CTSK: variants seen among roughly 807,000 people sequenced by gnomAD.
CTSK encodes cathepsin K.
A neutral mutation model predicts 40.5 loss-of-function variants in CTSK; 26 were observed. The observed-to-expected ratio is 0.64, with a 90% confidence interval of 0.47 to 0.89. The LOEUF is 0.89. Among genes scored for constraint, CTSK ranks in the 40% least tolerant of loss-of-function variants. CTSK has a pLI of 0.00. For synonymous variants in CTSK, 132 were observed against 143.2 expected, an observed-to-expected ratio of 0.92 and a Z score of 0.56; for missense variants, 292 against 400.1, an observed-to-expected ratio of 0.73 and a Z score of 2.30.
Position 150,806,722 on chromosome 1 carries a change from T to TA in CTSK, c.83dup (p.Trp29MetfsTer10), listed in dbSNP as rs2101954034. The TA allele has an allele frequency of 6.2e-7, 1 of 1,614,102 alleles. No individual in the cohort carries two copies. Among genetic ancestry groups the TA allele is most frequent in the Non-Finnish European group, 8.5e-7 (1 of 1,180,024 alleles). On this transcript the variant is annotated frameshift_variant, in exon 2 of 8. Transcript: ENST00000271651. LOFTEE classifies it high-confidence loss of function. ...ATTGCTTCCTGTGGGTCTTCTTCCA[T>TA]AGCTCCCAGTGGGTGTCCAGTATCT... is the stretch of plus-strand genomic sequence containing the variant.
rs779217637 is a variant in CTSK, at chr1:150,807,078, T to TCACACACACACA, written c.-1-273_-1-272insTGTGTGTGTGTG. 5.4e-3 allele frequency among the ~76,000 whole-genome samples: 645 copies of TCACACACACACA among 120,542 alleles called. 3 individuals are homozygous for TCACACACACACA. The highest frequency in any genetic ancestry group is 6.3e-3 in the Non-Finnish European group (363 of 57,626). The allele number at this position is 120,542 out of a possible 152,430, so 79.1% of individuals were successfully genotyped here. On this transcript the variant is annotated intron_variant, in intron 1 of 7. Transcript: ENST00000271651. Reference sequence around the variant, plus strand: ...CTGTTTCTCTCTCTGTCTCTCTCTCTCTCACACACACACACACACACACAC... The same window carrying TCACACACACACA: ...CTGTTTCTCTCTCTGTCTCTCTCTCTCACACACACACACTCACACACACACACACACACACAC...
chr1:150,799,512 G>A (rs1266997418), intron 6 of CTSK, 32 bp downstream of exon 6: 6 of 1,612,862 alleles, frequency 3.7e-6, no homozygotes, highest in Non-Finnish European at 5.1e-6. Context: ...TATCATAAAA[G>A]ACAGTGCTGT....
intron 5 of CTSK, 141 bp from the exon 6 acceptor site, chr1:150,799,850 T>C (rs142269269): frequency 1.2e-6 from 1 of 845,648 alleles, no homozygotes; most frequent in East Asian, 2.5e-5. Context: ...GGGTCTGTTC[T>C]TCCTCAGAAA....
chr1:150,804,336 T>G (rs1447560349), intron 4 of CTSK, 97 bp from the exon 5 acceptor site: 1 of 964,574 alleles, frequency 1.0e-6, no homozygotes, highest in Non-Finnish European at 1.6e-6. Flanking sequence ...TCTAAAAATT[T>G]CAGCACAAAT....
rs1294418593 is a variant in CTSK at position 150,804,298 on chromosome 1, T to C, written c.400-59A>G. ...CTGTTTACATTTTCTATATCTTCTCTCTACCTGCCTGAAGAAATTCCATGT... is the reference window on the plus strand; with the variant it reads ...CTGTTTACATTTTCTATATCTTCTCCCTACCTGCCTGAAGAAATTCCATGT... On this transcript the variant is annotated intron_variant, in intron 4 of 7. Transcript: ENST00000271651. 3 of 1,345,868 alleles carry C rather than the reference T, an allele frequency of 2.2e-6. No homozygotes were observed. In the African/African-American group the frequency reaches 4.3e-5, roughly 19 times the overall value. 83.4% of individuals were successfully genotyped at this position (1,345,868 alleles called of 1,614,324 possible).
At chr1:150,806,314 C>G in intron 2 of CTSK, 90 bp from the exon 3 acceptor site, 1 of 1,465,632 alleles carries the variant, frequency 6.8e-7, no homozygotes, top group Non-Finnish European at 9.4e-7. Flanking sequence ...AGGAAACTCA[C>G]AATCATAAAA....
chr1:150,805,553 C>A (rs1039773771), intron 4 of CTSK, among the ~76,000 whole-genome samples: 1 of 144,564 alleles, frequency 6.9e-6, no homozygotes, highest in Non-Finnish European at 1.5e-5. Context: ...GCAGGAGAAT[C>A]GCTTGAACCC....
chr1:150,799,306 G>T, intron 6 of CTSK, 33 bp from the exon 7 acceptor site: 1 of 1,488,396 alleles, frequency 6.7e-7, no homozygotes, highest in Non-Finnish European at 9.4e-7. Flanking sequence ...GAGGCTCTAT[G>T]CAATCCAAGG....
In CTSK at chr1:150,805,232, G is replaced by T. The variant is rs587744055; in HGVS notation, c.399+629C>A. On this transcript the variant is annotated intron_variant, in intron 4 of 7. Transcript: ENST00000271651. ...CTCAAAAAAAAAAAAAAAATTTGGG[G>T]GGGGGGAAAGGATTATTTGTGACCT... Among the ~76,000 whole-genome samples the T allele has an allele frequency of 2.1e-5, 3 of 145,774 alleles. 1 individual carries two copies. The highest frequency in any genetic ancestry group is 2.2e-4 in the East Asian group (1 of 4,596).
chr1:150,806,133 T>C lies in CTSK; in HGVS notation c.212A>G (p.Tyr71Cys). The C allele has an allele frequency of 6.2e-7, 1 of 1,614,222 alleles. No individual in the cohort carries two copies. Among genetic ancestry groups the C allele is most frequent in the Non-Finnish European group, 8.5e-7 (1 of 1,180,036 alleles). ...NLEASLGVHT[Y>C]ELAMNHLGDM... ...CCCCAGGTGGTTCATAGCCAGTTCA[T>C]ATGTATGGACACCAAGAGAAGCCTC... The change falls in exon 3 of 8, where the codon TAT (tyrosine) becomes TGT (cysteine). Residue 71 changes from tyrosine to cysteine, a missense_variant. Transcript: ENST00000271651.
intron 7 of CTSK, among the ~76,000 whole-genome samples, chr1:150,797,543 TGAGA>T (rs1653898700): frequency 6.6e-6 from 1 of 151,974 alleles, no homozygotes; most frequent in Non-Finnish European, 1.5e-5. Flanking sequence ...TGAGAGTGGA[TGAGA>T]TTACTAAGGA....
At position 150,796,750 on chromosome 1, in the gene CTSK, C is replaced by T. The variant is rs1429081017; in HGVS notation, c.*49G>A. On this transcript the variant is annotated 3_prime_UTR_variant, in exon 8 of 8. Transcript: ENST00000271651. ...CCTTCCAAAGTGCATCGTTACACTGCACCATCGTGGAAGAAATGGAAGAGC... is the reference window on the plus strand; with the variant it reads ...CCTTCCAAAGTGCATCGTTACACTGTACCATCGTGGAAGAAATGGAAGAGC... 3 of 1,287,204 alleles carry T rather than the reference C, an allele frequency of 2.3e-6. No homozygotes were observed. The highest frequency in any genetic ancestry group is 2.9e-5 in the African/African-American group (2 of 68,624). The allele number at this position is 1,287,204 out of a possible 1,614,324, so 79.7% of individuals were successfully genotyped here.
chr1:150,797,371 T>C (rs1230226637), intron 7 of CTSK, among the ~76,000 whole-genome samples: 2 of 152,196 alleles, frequency 1.3e-5, no homozygotes, highest in Admixed American at 1.3e-4. Context: ...TGACCCATCA[T>C]CGTGAGGAGC....
chr1:150,805,638 C>CAAAAAAAAA (rs79027279), intron 4 of CTSK, among the ~76,000 whole-genome samples: 1 of 54,990 alleles, frequency 1.8e-5, no homozygotes, highest in Non-Finnish European at 3.2e-5. Flanking sequence ...GACTCTATCT[C>CAAAAAAAAA]AAAAAAAAAA....
chr1:150,799,335 C>T, intron 6 of CTSK, 62 bp from the exon 7 acceptor site: 1 of 1,348,030 alleles, frequency 7.4e-7, no homozygotes, highest in Non-Finnish European at 1.1e-6. Context: ...GTGGGATCTC[C>T]CAGTCTAGGA....
At chr1:150,797,818 G>C (rs1653905226) in intron 7 of CTSK, among the ~76,000 whole-genome samples, 1 of 152,164 alleles carries the variant, frequency 6.6e-6, no homozygotes, top group Admixed American at 6.5e-5. Context: ...CATGGTACCT[G>C]ATCATGAAAG....
chr1:150,807,078 T>TCA (rs779217637), intron 1 of CTSK, among the ~76,000 whole-genome samples: 5,872 of 120,294 alleles, frequency 0.049, 106 homozygotes, highest in Middle Eastern at 0.098. Context: ...TCTCTCTCTC[T>TCA]CTCACACACA....
intron 4 of CTSK, 83 bp downstream of exon 4, chr1:150,805,778 C>T: frequency 7.0e-7 from 1 of 1,423,086 alleles, no homozygotes; most frequent in South Asian, 1.2e-5. Context: ...TTCCTGGTGC[C>T]CTTTCACCTC....
In CTSK at chr1:150,804,143, T is replaced by C. The variant is rs1281651602; in HGVS notation, c.496A>G (p.Asn166Asp). 1 of 1,614,166 alleles carries C rather than the reference T, an allele frequency of 6.2e-7. No individual in the cohort carries two copies. ...TTCTCAGACACACAATCCACTAGGT[T>C]CTGGGGACTCAGATTTAAGAGTTTG... ...TGKLLNLSPQNLVDCVSENDG... is the reference protein window; with the variant it reads ...TGKLLNLSPQDLVDCVSENDG... Residue 166 changes from asparagine (N) to aspartate (D), a missense_variant, in exon 5 of 8, where the codon AAC becomes GAC. By Grantham distance (23) the Asn-to-Asp change is conservative. Coordinates refer to ENST00000271651, the MANE Select transcript of CTSK (RefSeq NM_000396.4).
Sources: allele counts gnomAD v4.1 joint callset (sites outside exome capture counted in the v4.1 genomes callset), GRCh38; gene constraint gnomAD v4.1.1; transcripts MANE v1.5; gene names NCBI Gene and HGNC (gene_info 2026-07-23, HGNC 2026-07-21).